The following DDX10 variants were observed in gnomAD, a reference collection of about 807,000 sequenced individuals.
The protein encoded by DDX10 is DEAD-box helicase 10, also known as probable ATP-dependent RNA helicase DDX10.
Under a neutral mutation model 104.3 loss-of-function variants are expected in DDX10, and 74 were observed. The observed-to-expected ratio is 0.71, with a 90% CI of 0.59 to 0.86. The LOEUF (loss-of-function observed/expected upper bound fraction) is 0.86, where lower values mean the gene tolerates loss of function less well. Ranked by LOEUF, DDX10 falls within the 40% of genes least tolerant of loss-of-function variation. The pLI is 0.00. For synonymous variants in DDX10, 351 were observed against 353.4 expected (o/e 0.99, Z 0.08); for missense variants, 952 against 1,040.0 (o/e 0.92, Z 1.16).
chr11:108,910,329 C>T (rs1287746400), intron 16 of DDX10, among the ~76,000 whole-genome samples: 1 of 152,214 alleles, frequency 6.6e-6, no homozygotes, highest in African/African-American at 2.4e-5. Context: ...TCATCAGAAT[C>T]ACAGTTTTGT....
At chr11:108,821,544 T>C (rs1862325267) in intron 13 of DDX10, among the ~76,000 whole-genome samples, 1 of 152,162 alleles carries the variant, frequency 6.6e-6, no homozygotes, top group Non-Finnish European at 1.5e-5. Context: ...CAACTTTAAA[T>C]GGCTGTCAAA....
chr11:108,675,574 A>G (rs1489850275), intron 2 of DDX10, 22 bp from the exon 3 acceptor site: 5 of 1,611,428 alleles, frequency 3.1e-6, no homozygotes, highest in Non-Finnish European at 3.4e-6. Flanking sequence ...CTAAAGTATA[A>G]TTCTTCCCTC....
chr11:108,873,881 A>T (rs1289290326), intron 16 of DDX10, among the ~76,000 whole-genome samples: 1 of 152,178 alleles, frequency 6.6e-6, no homozygotes, highest in East Asian at 1.9e-4. Context: ...TACTCTATTA[A>T]TCTTTCATTC....
intron 13 of DDX10, among the ~76,000 whole-genome samples, chr11:108,782,864 G>A (rs1861727030): frequency 1.3e-5 from 2 of 152,136 alleles, no homozygotes; most frequent in African/African-American, 4.8e-5. Flanking sequence ...GTAGTCAGTG[G>A]TATCAAGTTA....
At chr11:108,880,896 A>AT (rs1241847639) in intron 16 of DDX10, among the ~76,000 whole-genome samples, 1 of 152,100 alleles carries the variant, frequency 6.6e-6, no homozygotes, top group Non-Finnish European at 1.5e-5. Context: ...TTGACCATGA[A>AT]TTTTTTATTT....
At chr11:108,780,006 T>G (rs2094376026) in intron 13 of DDX10, among the ~76,000 whole-genome samples, 1 of 152,254 alleles carries the variant, frequency 6.6e-6, no homozygotes, top group Admixed American at 6.5e-5. Context: ...TAGCCTCATT[T>G]TCTCCTTATG....
intron 15 of DDX10, among the ~76,000 whole-genome samples, chr11:108,850,488 A>C (rs1168772340): frequency 6.6e-6 from 1 of 152,136 alleles, no homozygotes; most frequent in Non-Finnish European, 1.5e-5. Flanking sequence ...GATGTGTTGG[A>C]GGAAGATCAG....
intron 17 of DDX10, chr11:108,929,585 CA>C (rs1212795612): frequency 6.6e-6 from 1 of 152,058 alleles, no homozygotes; most frequent in African/African-American, 2.4e-5. Context: ...GTATAGGAAA[CA>C]GTTGCTAGTC....
intron 16 of DDX10, among the ~76,000 whole-genome samples, chr11:108,896,026 T>G (rs1208995073): frequency 6.6e-6 from 1 of 152,124 alleles, no homozygotes. Context: ...GCCACCCAAA[T>G]GTAATCGTTC....
At chr11:108,835,551 A>G (rs1221544644) in intron 13 of DDX10, among the ~76,000 whole-genome samples, 1 of 152,224 alleles carries the variant, frequency 6.6e-6, no homozygotes, top group East Asian at 1.9e-4. Context: ...AAAATAACAA[A>G]TGAATGAAAC....
At chr11:108,754,646 G>C (rs1286084644) in intron 13 of DDX10, among the ~76,000 whole-genome samples, 1 of 151,960 alleles carries the variant, frequency 6.6e-6, no homozygotes, top group Admixed American at 6.6e-5. Flanking sequence ...CTAGAGTATA[G>C]CCTTAGGTAT....
In DDX10 at chr11:108,823,229, G is replaced by A. The variant is rs149477393; in HGVS notation, c.1966-15217G>A. Among the ~76,000 whole-genome samples the A allele has an allele frequency of 1.0e-3, 154 of 152,164 alleles. 1 individual carries two copies. Among genetic ancestry groups the A allele is most frequent in the African/African-American group, 3.2e-3 (132 of 41,504 alleles). On this transcript the variant is annotated intron_variant, in intron 13 of 17. Transcript: ENST00000322536. The stretch of plus-strand genomic sequence containing the variant: ...GGACATCATCCTGGCACATTTTGTC[G>A]AAACGTAGTACACATAGGCTAGCCT...
chr11:108,910,345 CA>C, intron 16 of DDX10, among the ~76,000 whole-genome samples: 1 of 152,260 alleles, frequency 6.6e-6, no homozygotes, highest in South Asian at 2.1e-4. Flanking sequence ...TTTGTAATTT[CA>C]AAAATGGGAA....
At chr11:108,894,605 AACTT>A (rs1197063530) in intron 16 of DDX10, among the ~76,000 whole-genome samples, 1 of 152,052 alleles carries the variant, frequency 6.6e-6, no homozygotes, top group African/African-American at 2.4e-5. Context: ...TGTAAACACA[AACTT>A]AATTCTTCTG....
chr11:108,707,158 G>A (rs2094277276), intron 10 of DDX10, among the ~76,000 whole-genome samples: 1 of 152,084 alleles, frequency 6.6e-6, no homozygotes, highest in Non-Finnish European at 1.5e-5. Context: ...TTCATTCTTG[G>A]TGGTGTCCAT....
chr11:108,789,736 A>G (rs1861844899), intron 13 of DDX10, among the ~76,000 whole-genome samples: 1 of 152,240 alleles, frequency 6.6e-6, no homozygotes, highest in South Asian at 2.1e-4. Context: ...AAACACGACC[A>G]TAGGTGGCTT....
intron 13 of DDX10, among the ~76,000 whole-genome samples, chr11:108,752,774 A>G (rs980536904): frequency 2.0e-5 from 3 of 152,126 alleles, no homozygotes; most frequent in African/African-American, 7.2e-5. Flanking sequence ...CCATAAACGT[A>G]GCCTAATATT....
chr11:108,864,295 T>A (rs1021552134), intron 16 of DDX10, among the ~76,000 whole-genome samples: 1 of 152,066 alleles, frequency 6.6e-6, no homozygotes, highest in African/African-American at 2.4e-5. Context: ...CTTACCCTTC[T>A]CCCATCAGAA....
At chr11:108,908,026 C>T (rs774733593) in intron 16 of DDX10, among the ~76,000 whole-genome samples, 7 of 152,196 alleles carry the variant, frequency 4.6e-5, no homozygotes, top group Non-Finnish European at 1.0e-4. Flanking sequence ...TTCTGCACAT[C>T]TGCCTTAGTA....
Sources: allele counts gnomAD v4.1 joint callset (sites outside exome capture counted in the v4.1 genomes callset), GRCh38; gene constraint gnomAD v4.1.1; transcripts MANE v1.5; gene names NCBI Gene and HGNC (gene_info 2026-07-23, HGNC 2026-07-21).